Variants in GGA3 observed in about 807,000 individuals in gnomAD.
The protein encoded by GGA3 is ADP-ribosylation factor-binding protein GGA3.
In GGA3, 57 loss-of-function variants were observed where a neutral mutation model predicts 77.5. The observed-to-expected ratio is 0.74, with a 90% CI of 0.59 to 0.92. The LOEUF is 0.92. GGA3 is among the 40% of genes least tolerant of loss of function. The pLI is 0.00. For synonymous variants in GGA3, 416 were observed against 383.7 expected (o/e 1.08, Z -0.98); for missense variants, 970 against 914.9 (o/e 1.06, Z -0.78).
Position 75,243,566 on chromosome 17 carries a change from A to G in GGA3, c.305T>C (p.Leu102Pro). 2 of 1,613,988 alleles carry G rather than the reference A, an allele frequency of 1.2e-6. No individual in the cohort carries two copies. Among genetic ancestry groups the G allele is most frequent in the Non-Finnish European group, 1.7e-6 (2 of 1,179,946 alleles). Residue 102 changes from leucine to proline, a missense_variant, in exon 5 of 17, where the codon CTG (leucine) becomes CCG (proline). Transcript: ENST00000537686. The part of the protein sequence containing the change: ...ELIKVVSPKY[L>P]GDRVSEKVKT... ...CACTTTCTCAGACACCCTGTCCCCC[A>G]GGTACTACATGGCAAAAGAAAATGA...
chr17:75,257,622 AG>A (rs1480232508), intron 1 of GGA3, among the ~76,000 whole-genome samples: 1 of 152,042 alleles, frequency 6.6e-6, no homozygotes, highest in East Asian at 1.9e-4. Context: ...AACCATATCC[AG>A]GCCATCACCA....
At chr17:75,246,387 T>C in intron 3 of GGA3, 122 bp downstream of exon 3, 1 of 685,666 alleles carries the variant, frequency 1.5e-6, no homozygotes. Flanking sequence ...ATCTATCTAG[T>C]CTGTATCAAG....
At position 75,241,658 on chromosome 17, in the gene GGA3, T is replaced by A; in HGVS notation, c.786A>T (p.Leu262Phe). The A allele has an allele frequency of 6.2e-7, 1 of 1,614,146 alleles. No individual in the cohort carries two copies. Among genetic ancestry groups the A allele is most frequent in the Non-Finnish European group, 8.5e-7 (1 of 1,180,000 alleles). ...FDQCENKRRT[L>F]FKLASETEDN... ...CCTCAGTCTCACTGGCGAGTTTAAA[T>A]AAAGTCCGCCTCTTGTTCTCACACT... The change falls in exon 9 of 17, where the codon TTA becomes TTT. Residue 262 changes from leucine (L) to phenylalanine (F), a missense_variant. Transcript: ENST00000537686.
intron 1 of GGA3, among the ~76,000 whole-genome samples, chr17:75,255,061 G>A (rs574447401): frequency 3.3e-5 from 5 of 152,112 alleles, no homozygotes; most frequent in Non-Finnish European, 5.9e-5. Flanking sequence ...CTGCCCGATC[G>A]CCTCGGAAGC....
chr17:75,238,361 G>T lies in GGA3; in HGVS notation c.2090C>A (p.Thr697Asn), dbSNP rs753891506. Reference sequence around the variant, plus strand: ...GCTCAGCTGCTCCCCCAGGGCGAAGGTCAGCTTATACCGAAGCCGCACCTT... The same window carrying T: ...GCTCAGCTGCTCCCCCAGGGCGAAGTTCAGCTTATACCGAAGCCGCACCTT... The part of the protein sequence containing the change: ...KEKVRLRYKL[T>N]FALGEQLSTE... The change falls in exon 17 of 17, where the codon ACC becomes AAC. Residue 697 changes from threonine (T) to asparagine (N), a missense_variant. Transcript: ENST00000537686. 6.2e-7 allele frequency: 1 copy of T among 1,613,862 alleles called. No homozygotes were observed. Among genetic ancestry groups the T allele is most frequent in the South Asian group, 1.1e-5 (1 of 91,080 alleles).
rs918134299 is a variant in GGA3, at chr17:75,236,946, G to A, written c.*1333C>T. On this transcript the variant is annotated 3_prime_UTR_variant, in exon 17 of 17. Coordinates refer to ENST00000537686, the MANE Select transcript of GGA3 (RefSeq NM_138619.4). ...ACCTCTTCCCATAGTAAGGAATAAG[G>A]AAGCCTGGCAAGGGGCAGGGAGGAA... 1.2e-5 allele frequency: 2 copies of A among 165,720 alleles called. No individual in the cohort carries two copies. The highest frequency in any genetic ancestry group is 5.6e-5 in the Admixed American group (1 of 17,954). 10.3% of individuals were successfully genotyped at this position (165,720 alleles called of 1,614,324 possible).
Position 75,239,527 on chromosome 17 carries a change from G to A in GGA3, c.1628C>T (p.Thr543Ile). 1 of 1,565,800 alleles carries A rather than the reference G, an allele frequency of 6.4e-7. No homozygotes were observed. The highest frequency in any genetic ancestry group is 8.6e-7 in the Non-Finnish European group (1 of 1,157,780). Residue 543 changes from threonine (T) to isoleucine (I), a missense_variant, in exon 14 of 17, where the codon ACC (threonine) becomes ATC (isoleucine). By Grantham distance (89) the Thr-to-Ile change is moderately conservative. Transcript: ENST00000537686. ...CAGGAGGGGCCTGGCTGGGGTGGTG[G>A]TGGGGATGAGAGGGGAGGTAGTGGG... is the stretch of plus-strand genomic sequence containing the variant. ...VKPTTSPLIPTTTPARPLLPF... is the reference protein window; with the variant it reads ...VKPTTSPLIPITTPARPLLPF...
chr17:75,239,606 A>C, intron 13 of GGA3, 35 bp from the exon 14 acceptor site: 1 of 1,513,456 alleles, frequency 6.6e-7, no homozygotes, highest in Non-Finnish European at 9.0e-7. Context: ...CACGTCAGAG[A>C]GCCAGCCAGA....
At position 75,242,816 on chromosome 17, in the gene GGA3, C is replaced by A; in HGVS notation, c.609+15G>T. ...GCTCCTCCACCCCGTGCCTGAAGGA[C>A]CGGGGCCCACTCACTTCCTTCACCA... On this transcript the variant is annotated intron_variant, in intron 7 of 16. Transcript: ENST00000537686. 1.3e-6 allele frequency: 2 copies of A among 1,597,288 alleles called. No homozygotes were observed. Among genetic ancestry groups the A allele is most frequent in the Admixed American group, 1.7e-5 (1 of 60,006 alleles).
At chr17:75,245,990 C>T (rs2076742914) in intron 3 of GGA3, among the ~76,000 whole-genome samples, 1 of 152,230 alleles carries the variant, frequency 6.6e-6, no homozygotes, top group Non-Finnish European at 1.5e-5. Context: ...TGTGGAGGCA[C>T]TGAGGGCCAG....
intron 11 of GGA3, 96 bp from the exon 12 acceptor site, chr17:75,240,508 C>CAAT: frequency 1.2e-6 from 1 of 807,314 alleles, no homozygotes; most frequent in Non-Finnish European, 2.1e-6. Context: ...CAAGTGACAT[C>CAAT]AATGGGTGAA....
chr17:75,248,722 G>A, intron 1 of GGA3: 5 of 339,088 alleles, frequency 1.5e-5, no homozygotes, highest in Non-Finnish European at 2.1e-5. Context: ...GGAGGCAGAG[G>A]TTGCCTTGAG....
chr17:75,249,987 T>G (rs1050403759), intron 1 of GGA3, among the ~76,000 whole-genome samples: 1 of 152,214 alleles, frequency 6.6e-6, no homozygotes, highest in Non-Finnish European at 1.5e-5. Flanking sequence ...CTTTGCCTAC[T>G]CACGGGCACA....
intron 12 of GGA3, 46 bp from the exon 13 acceptor site, chr17:75,240,154 G>T: frequency 4.3e-6 from 2 of 465,522 alleles, no homozygotes; most frequent in Admixed American, 2.5e-5. Flanking sequence ...GGTGGGGAGG[G>T]CCTGCCGCTG....
At chr17:75,251,357 G>A (rs1172073864) in intron 1 of GGA3, among the ~76,000 whole-genome samples, 1 of 150,366 alleles carries the variant, frequency 6.7e-6, no homozygotes, top group African/African-American at 2.5e-5. Context: ...AAAAAAATCA[G>A]TTCAAAAAAC....
At chr17:75,261,877 G>GT, upstream of GGA3, 1 of 1,605,396 alleles carries the variant, frequency 6.2e-7, no homozygotes, top group Non-Finnish European at 8.5e-7. Context: ...GGCAGTCCTT[G>GT]TGGGGTCCTC....
intron 7 of GGA3, 31 bp downstream of exon 7, chr17:75,242,800 C>A (rs2076609025): frequency 6.4e-7 from 1 of 1,559,054 alleles, no homozygotes; most frequent in Admixed American, 1.7e-5. Context: ...GGCTCCTCCA[C>A]CCCGTGCCTG....
upstream of GGA3, chr17:75,261,749 C>T (rs2279161): frequency 0.83 from 939,924 of 1,130,412 alleles, 392,408 homozygotes; most frequent in East Asian, 0.94. Context: ...TTTTGGCGCT[C>T]CCCTTTGGAC....
At chr17:75,242,547 T>G in intron 7 of GGA3, 74 bp from the exon 8 acceptor site, 1 of 1,566,470 alleles carries the variant, frequency 6.4e-7, no homozygotes, top group South Asian at 1.1e-5. Flanking sequence ...GGTCACACCT[T>G]ACCCCACAAC....
Sources: gnomAD v4.1 joint callset for allele counts (sites outside exome capture counted in the v4.1 genomes callset) on GRCh38, gnomAD v4.1.1 for gene constraint, MANE v1.5 for transcripts, NCBI Gene and HGNC (gene_info 2026-07-23, HGNC 2026-07-21) for gene names.